The following DENND1A variants were observed in gnomAD, a reference collection of about 807,000 sequenced individuals.
DENND1A encodes DENN domain containing 1A.
DENND1A carries 51 observed loss-of-function variants against 113.7 expected under a neutral mutation model. That is an observed-to-expected ratio of 0.45 (90% CI 0.36 to 0.57). The LOEUF is 0.57. DENND1A is among the 20% of genes least tolerant of loss of function. DENND1A has a pLI of 0.00. For missense variants in DENND1A, 1,258 were observed against 1,395.9 expected (o/e 0.90, Z 1.57); for synonymous variants, 565 against 570.8 (o/e 0.99, Z 0.14).
intron 9 of DENND1A, among the ~76,000 whole-genome samples, chr9:123,632,697 C>A (rs1250180383): frequency 2.6e-5 from 4 of 152,170 alleles, no homozygotes; most frequent in African/African-American, 9.7e-5. Flanking sequence ...TCTGTAGCCA[C>A]ACTCTGTACC....
chr9:123,715,434 CAT>C (rs2066909345), intron 5 of DENND1A, among the ~76,000 whole-genome samples: 1 of 152,142 alleles, frequency 6.6e-6, no homozygotes, highest in South Asian at 2.1e-4. Flanking sequence ...TTCACTGACT[CAT>C]ATAAAACTTC....
At chr9:123,773,913 G>A (rs1253023701) in intron 3 of DENND1A, among the ~76,000 whole-genome samples, 1 of 151,786 alleles carries the variant, frequency 6.6e-6, no homozygotes, top group Non-Finnish European at 1.5e-5. Context: ...TTGAATAAAT[G>A]AATGTATTTT....
intron 1 of DENND1A, among the ~76,000 whole-genome samples, chr9:123,901,923 G>A (rs1851699891): frequency 6.6e-6 from 1 of 152,034 alleles, no homozygotes; most frequent in Admixed American, 6.5e-5. Flanking sequence ...GGAGAATGGT[G>A]TGAACCCGGG....
intron 13 of DENND1A, among the ~76,000 whole-genome samples, chr9:123,545,065 T>C (rs2056566077): frequency 6.6e-6 from 1 of 151,302 alleles, no homozygotes; most frequent in Non-Finnish European, 1.5e-5. Flanking sequence ...GCCACTGTAC[T>C]CCAGCCTGGG....
chr9:123,633,066 C>T (rs922852291), intron 9 of DENND1A, among the ~76,000 whole-genome samples: 4 of 152,118 alleles, frequency 2.6e-5, no homozygotes, highest in African/African-American at 9.7e-5. Context: ...TGCCACCATG[C>T]CCGGCTAATT....
chr9:123,383,574 T>C, intron 23 of DENND1A, 81 bp downstream of exon 23: 1 of 1,541,560 alleles, frequency 6.5e-7, no homozygotes, highest in Non-Finnish European at 8.7e-7. Context: ...CCTTAGTCTC[T>C]TCCACTGTCA....
intron 3 of DENND1A, among the ~76,000 whole-genome samples, chr9:123,790,092 C>T (rs895493257): frequency 2.0e-5 from 3 of 151,838 alleles, no homozygotes; most frequent in Non-Finnish European, 4.4e-5. Context: ...TGTTTTAATA[C>T]TAGAAATGTT....
chr9:123,705,452 T>C (rs2066134967), intron 5 of DENND1A, among the ~76,000 whole-genome samples: 2 of 152,152 alleles, frequency 1.3e-5, no homozygotes, highest in Admixed American at 1.3e-4. Flanking sequence ...CAAAAGGATA[T>C]ATAATAAACT....
At chr9:123,452,202 G>T in intron 17 of DENND1A, 74 bp downstream of exon 17, 1 of 1,400,708 alleles carries the variant, frequency 7.1e-7, no homozygotes. Flanking sequence ...TCAAAAGTAA[G>T]TAAATAAATA....
intron 13 of DENND1A, among the ~76,000 whole-genome samples, chr9:123,506,580 CAAAAAAAAA>C (rs10542393): frequency 2.7e-5 from 2 of 73,898 alleles, no homozygotes; most frequent in South Asian, 8.3e-4. Flanking sequence ...GACTCTGTCT[CAAAAAAAAA>C]AAAAAAAAAA....
chr9:123,420,930 A>G (rs1413320890), intron 19 of DENND1A, among the ~76,000 whole-genome samples: 2 of 151,632 alleles, frequency 1.3e-5, no homozygotes, highest in Non-Finnish European at 2.9e-5. Flanking sequence ...GCAGGTGCAC[A>G]GTCTGAATAG....
At chr9:123,491,356 CA>C (rs1347658094) in intron 13 of DENND1A, among the ~76,000 whole-genome samples, 2 of 152,216 alleles carry the variant, frequency 1.3e-5, no homozygotes, top group Non-Finnish European at 1.5e-5. Flanking sequence ...GCCTAGCCAA[CA>C]AACCAGAATG....
intron 5 of DENND1A, among the ~76,000 whole-genome samples, chr9:123,713,695 G>GA (rs146131531): frequency 0.19 from 27,393 of 147,976 alleles, 2,695 homozygotes; most frequent in African/African-American, 0.27. Context: ...AAGACAATTA[G>GA]AAAAAAAAAA....
chr9:123,684,737 C>A (rs2064699061), intron 5 of DENND1A, among the ~76,000 whole-genome samples: 1 of 152,196 alleles, frequency 6.6e-6, no homozygotes, highest in Non-Finnish European at 1.5e-5. Context: ...TTCAAATGTT[C>A]CATCAATGGC....
At chr9:123,513,047 T>TA (rs1487751546) in intron 13 of DENND1A, among the ~76,000 whole-genome samples, 10 of 152,248 alleles carry the variant, frequency 6.6e-5, no homozygotes, top group African/African-American at 2.4e-4. Flanking sequence ...CTGAATATGC[T>TA]ATAGGAATGT....
chr9:123,708,826 G>T (rs1564992022), intron 5 of DENND1A, among the ~76,000 whole-genome samples: 1 of 152,142 alleles, frequency 6.6e-6, no homozygotes, highest in Non-Finnish European at 1.5e-5. Flanking sequence ...CCTAAGACTT[G>T]AATTTTGCTT....
At chr9:123,426,723 A>T (rs953020467) in intron 19 of DENND1A, among the ~76,000 whole-genome samples, 1 of 152,184 alleles carries the variant, frequency 6.6e-6, no homozygotes, top group African/African-American at 2.4e-5. Context: ...TTTTCTGGAG[A>T]CCATAACTTG....
At chr9:123,837,991 A>G (rs1439103687) in intron 2 of DENND1A, among the ~76,000 whole-genome samples, 2 of 152,222 alleles carry the variant, frequency 1.3e-5, no homozygotes, top group African/African-American at 2.4e-5. Flanking sequence ...TGTACATCCT[A>G]TCGTCACACA....
At chr9:123,579,154 T>A (rs902636950) in intron 12 of DENND1A, among the ~76,000 whole-genome samples, 3 of 152,214 alleles carry the variant, frequency 2.0e-5, no homozygotes, top group Non-Finnish European at 4.4e-5. Flanking sequence ...TTCATCATCA[T>A]CAGCTACTGT....
Sources: allele counts gnomAD v4.1 joint callset (sites outside exome capture counted in the v4.1 genomes callset), GRCh38; gene constraint gnomAD v4.1.1; transcripts MANE v1.5; gene names NCBI Gene and HGNC (gene_info 2026-07-23, HGNC 2026-07-21).